Variants in P4HA3 observed in about 807,000 individuals in gnomAD.
The protein encoded by P4HA3 is prolyl 4-hydroxylase subunit alpha-3.
Under a neutral mutation model 66.7 loss-of-function variants are expected in P4HA3, and 60 were observed. The ratio of observed to expected loss-of-function variants is 0.90; its 90% CI spans 0.73 to 1.12. The LOEUF (loss-of-function observed/expected upper bound fraction) is 1.12. Among genes scored for constraint, P4HA3 ranks in the 50% most tolerant of loss-of-function variants. The probability of loss-of-function intolerance (pLI) is 0.00; values close to 1 mark genes in which losing one functional copy is unlikely to be tolerated. For missense variants in P4HA3, 683 were observed against 685.8 expected (o/e 1.00, Z 0.05); for synonymous variants, 263 against 274.6 (o/e 0.96, Z 0.42).
At chr11:74,261,877 C>T (rs981155198), downstream of P4HA3, among the ~76,000 whole-genome samples, 1 of 152,178 alleles carries the variant, frequency 6.6e-6, no homozygotes, top group African/African-American at 2.4e-5. Flanking sequence ...CCAAGAAGCA[C>T]CTATGGCGCT....
intron 10 of P4HA3, among the ~76,000 whole-genome samples, chr11:74,272,343 G>A (rs927528630): frequency 1.3e-5 from 2 of 152,162 alleles, no homozygotes; most frequent in African/African-American, 4.8e-5. Context: ...GAGATATTGA[G>A]GGGATAAAGA....
chr11:74,295,168 A>C (rs748063585), intron 4 of P4HA3, among the ~76,000 whole-genome samples: 7 of 152,200 alleles, frequency 4.6e-5, no homozygotes, highest in Non-Finnish European at 8.8e-5. Context: ...ATTTAACCCA[A>C]TGTGGAACTA....
chr11:74,309,579 A>G (rs1373614361), intron 1 of P4HA3, among the ~76,000 whole-genome samples: 1 of 152,186 alleles, frequency 6.6e-6, no homozygotes, highest in Non-Finnish European at 1.5e-5. Context: ...TCAAAGAGAA[A>G]AAATTCTGTC....
At chr11:74,293,170 T>C (rs1251018196) in intron 4 of P4HA3, among the ~76,000 whole-genome samples, 1 of 152,102 alleles carries the variant, frequency 6.6e-6, no homozygotes, top group Non-Finnish European at 1.5e-5. Flanking sequence ...TTAGCTCTTC[T>C]TGTTGAATTG....
In P4HA3 at chr11:74,285,829, T is replaced by C. The variant is rs752516933; in HGVS notation, c.1090A>G (p.Arg364Gly). The C allele has an allele frequency of 2.0e-5, 33 of 1,613,870 alleles. No homozygotes were observed. Among genetic ancestry groups the C allele is most frequent in the Admixed American group, 6.7e-5 (4 of 59,990 alleles). Residue 364 changes from arginine to glycine, a missense_variant, in exon 7 of 13, where the codon AGA becomes GGA. Arg to Gly is a moderately radical substitution (Grantham distance 125). Coordinates refer to ENST00000331597, the MANE Select transcript of P4HA3 (RefSeq NM_182904.5). ...CTCACCCATGGTTCTGCAAGTTCTC[T>C]AATTTTCTGAGCCTCTGAGTCACTG... Reference protein sequence around the residue: ...FVSDSEAQKIRELAEPWLQRS... With the variant: ...FVSDSEAQKIGELAEPWLQRS...
At chr11:74,264,174 A>AGACT (rs1161292130), downstream of P4HA3, among the ~76,000 whole-genome samples, 1 of 152,086 alleles carries the variant, frequency 6.6e-6, no homozygotes. Context: ...GGTGGAAAGA[A>AGACT]GACTGGTAAG....
intron 6 of P4HA3, 82 bp from the exon 7 acceptor site, chr11:74,286,067 A>G: frequency 6.6e-7 from 1 of 1,508,860 alleles, no homozygotes; most frequent in Non-Finnish European, 9.1e-7. Flanking sequence ...GGCATAAAAA[A>G]ATTGGAATGC....
At chr11:74,275,664 C>T (rs1860369621) in intron 9 of P4HA3, among the ~76,000 whole-genome samples, 1 of 152,100 alleles carries the variant, frequency 6.6e-6, no homozygotes, top group Non-Finnish European at 1.5e-5. Flanking sequence ...AGGTTTTTTG[C>T]ATTTCCATAT....
intron 15 of P4HA3, among the ~76,000 whole-genome samples, chr11:74,256,970 G>A (rs144676510): frequency 1.8e-4 from 28 of 151,872 alleles, no homozygotes; most frequent in Middle Eastern, 3.4e-3. Context: ...GCATCCAATG[G>A]ACTTTGTAGA....
intron 10 of P4HA3, among the ~76,000 whole-genome samples, chr11:74,272,565 A>G (rs1316742367): frequency 1.3e-5 from 2 of 152,202 alleles, no homozygotes; most frequent in Non-Finnish European, 1.5e-5. Context: ...CATAGGAAGT[A>G]CAGAACTGAG....
intron 7 of P4HA3, among the ~76,000 whole-genome samples, chr11:74,282,998 G>C (rs533181790): frequency 6.6e-6 from 1 of 152,184 alleles, no homozygotes; most frequent in Non-Finnish European, 1.5e-5. Context: ...TGGTGAGAGA[G>C]AGAAGTGATG....
intron 11 of P4HA3, among the ~76,000 whole-genome samples, chr11:74,268,875 A>T (rs1017117905): frequency 6.6e-6 from 1 of 152,310 alleles, no homozygotes; most frequent in East Asian, 1.9e-4. Context: ...TCCTGTAGTC[A>T]AATTACTTTA....
At chr11:74,279,346 G>A (rs370542217) in intron 8 of P4HA3, 42 bp downstream of exon 8, 18 of 1,579,830 alleles carry the variant, frequency 1.1e-5, no homozygotes, top group African/African-American at 6.7e-5. Context: ...GCTACGGCCC[G>A]AGGGTGGGCA....
At chr11:74,258,606 C>T (rs1365186056) in intron 15 of P4HA3, among the ~76,000 whole-genome samples, 1 of 152,106 alleles carries the variant, frequency 6.6e-6, no homozygotes, top group East Asian at 1.9e-4. Context: ...TGGACTAGAG[C>T]TCAGGCCACC....
chr11:74,267,692 A>G (rs879270823), intron 12 of P4HA3, among the ~76,000 whole-genome samples: 3 of 152,304 alleles, frequency 2.0e-5, no homozygotes, highest in Admixed American at 2.0e-4. Flanking sequence ...TCAGCTTATG[A>G]GCCCCCTTCC....
intron 15 of P4HA3, among the ~76,000 whole-genome samples, chr11:74,256,237 C>T (rs539889696): frequency 1.3e-5 from 2 of 152,146 alleles, no homozygotes; most frequent in Non-Finnish European, 2.9e-5. Context: ...TCATTTTGGA[C>T]CAGATACTTA....
chr11:74,271,099 C>T (rs1027094848), intron 10 of P4HA3, among the ~76,000 whole-genome samples: 4 of 152,138 alleles, frequency 2.6e-5, no homozygotes, highest in Non-Finnish European at 5.9e-5. Context: ...GCAGTCAGAT[C>T]CCGGTACATT....
chr11:74,299,258 C>T (rs1351597858), intron 3 of P4HA3, among the ~76,000 whole-genome samples: 2 of 152,150 alleles, frequency 1.3e-5, no homozygotes, highest in African/African-American at 4.8e-5. Context: ...ACCAGAACTG[C>T]AAGTGGAATT....
chr11:74,268,401 A>C (rs1333027109), intron 11 of P4HA3, among the ~76,000 whole-genome samples, 160 bp from the exon 12 acceptor site: 1 of 152,230 alleles, frequency 6.6e-6, no homozygotes, highest in Admixed American at 6.5e-5. Context: ...ATAAGTTGCC[A>C]TTTACTCCTT....
Sources: gnomAD v4.1 joint callset for allele counts (sites outside exome capture counted in the v4.1 genomes callset) on GRCh38, gnomAD v4.1.1 for gene constraint, MANE v1.5 for transcripts, NCBI Gene and HGNC (gene_info 2026-07-23, HGNC 2026-07-21) for gene names.